SCN8A: variants seen among roughly 807,000 people sequenced by gnomAD.
The protein encoded by SCN8A is sodium channel protein type 8 subunit alpha.
Under a neutral mutation model 184.1 loss-of-function variants are expected in SCN8A, and 30 were observed. That is an observed-to-expected ratio of 0.16 (90% CI 0.12 to 0.22). The LOEUF is 0.22. SCN8A is among the 10% of genes least tolerant of loss of function. The pLI is 1.00. For missense variants in SCN8A, 1,057 were observed against 2,498.9 expected (o/e 0.42, Z 12.30); for synonymous variants, 852 against 907.0 (o/e 0.94, Z 1.09).
chr12:51,627,347 C>T (rs1328504883), intron 1 of SCN8A, among the ~76,000 whole-genome samples: 1 of 152,138 alleles, frequency 6.6e-6, no homozygotes, highest in African/African-American at 2.4e-5. Flanking sequence ...GTTATAAGGC[C>T]TTAACCATAA....
At chr12:51,594,871 G>A (rs1939310963) in intron 1 of SCN8A, among the ~76,000 whole-genome samples, 1 of 151,838 alleles carries the variant, frequency 6.6e-6, no homozygotes, top group South Asian at 2.1e-4. Context: ...AGCCCTTTAA[G>A]CTCTTAATTT....
chr12:51,738,315 C>T (rs1942360830), intron 12 of SCN8A, among the ~76,000 whole-genome samples: 1 of 152,198 alleles, frequency 6.6e-6, no homozygotes, highest in African/African-American at 2.4e-5. Context: ...GTTGAATAGT[C>T]CCAGGTCATC....
intron 14 of SCN8A, among the ~76,000 whole-genome samples, chr12:51,752,502 C>T (rs1942611491): frequency 6.6e-6 from 1 of 152,122 alleles, no homozygotes. Context: ...ATATCATTTT[C>T]ATTTCTCATT....
intron 3 of SCN8A, 22 bp downstream of exon 3, chr12:51,684,314 G>T: frequency 9.0e-7 from 1 of 1,110,236 alleles, no homozygotes. Flanking sequence ...GGCAAATGTG[G>T]AGTGAGTGCG....
chr12:51,655,310 C>T (rs189682293), intron 1 of SCN8A, among the ~76,000 whole-genome samples: 66 of 152,088 alleles, frequency 4.3e-4, no homozygotes, highest in African/African-American at 1.4e-3. Context: ...TCTTTCATGC[C>T]GTATCCCTTA....
At chr12:51,766,073 C>T in intron 16 of SCN8A, 46 bp downstream of exon 16, 1 of 1,488,080 alleles carries the variant, frequency 6.7e-7, no homozygotes, top group Non-Finnish European at 9.4e-7. Context: ...CCTGAATATT[C>T]TACCCCTGGC....
At chr12:51,677,307 C>G (rs559807950) in intron 2 of SCN8A, among the ~76,000 whole-genome samples, 1 of 152,000 alleles carries the variant, frequency 6.6e-6, no homozygotes, top group South Asian at 2.1e-4. Context: ...AGGCTGATCT[C>G]GAACTCCTGG....
intron 11 of SCN8A, among the ~76,000 whole-genome samples, chr12:51,709,705 G>T (rs528658594): frequency 6.6e-6 from 1 of 152,136 alleles, no homozygotes; most frequent in South Asian, 2.1e-4. Context: ...GTGGAAATAA[G>T]CATGTTTATA....
chr12:51,597,133 A>T (rs537235214), intron 1 of SCN8A, among the ~76,000 whole-genome samples: 3 of 152,322 alleles, frequency 2.0e-5, no homozygotes, highest in East Asian at 3.9e-4. Context: ...AATAAAAGCC[A>T]GAAGCCTGAG....
In SCN8A at chr12:51,807,287, A is replaced by C; in HGVS notation, c.5801A>C (p.Lys1934Thr). 1 of 1,614,000 alleles carries C rather than the reference A, an allele frequency of 6.2e-7. No individual in the cohort carries two copies. Among genetic ancestry groups the C allele is most frequent in the Non-Finnish European group, 8.5e-7 (1 of 1,179,884 alleles). Reference protein sequence around the residue: ...KLENGGTHREKKESTPSTASL... With the variant: ...KLENGGTHRETKESTPSTASL... ...GAGAATGGAGGCACACACCGGGAGAAAAAAGAGAGCACCCCATCTACAGCC... is the reference window on the plus strand; with the variant it reads ...GAGAATGGAGGCACACACCGGGAGACAAAAGAGAGCACCCCATCTACAGCC... Residue 1934 changes from lysine (K) to threonine (T), a missense_variant, in exon 27 of 27, where the codon AAA becomes ACA. Around this residue, in one of 19 missense-constraint regions of SCN8A, gnomAD observed 95 missense variants for 140.2 expected, o/e 0.68. Coordinates refer to ENST00000627620, the MANE Select transcript of SCN8A (RefSeq NM_001330260.2). This position sits in a 1 kb window ranked among gnomAD's most constrained non-coding sequence, Gnocchi z 4.5.
At chr12:51,768,807 T>C in intron 16 of SCN8A, 58 bp from the exon 17 acceptor site, 2 of 1,434,830 alleles carry the variant, frequency 1.4e-6, no homozygotes, top group Non-Finnish European at 1.9e-6. Context: ...TTTGCAACCC[T>C]GAGTTCGATG....
chr12:51,769,149 T>C lies in SCN8A; in HGVS notation c.3186T>C (p.Asn1062=). ...DIHRNGDFQK[N]GNGTTSGIGS... ...ACCGGAATGGTGACTTCCAGAAGAA[T>C]GGCAATGGCACAACCAGCGGCATTG... The change falls in exon 17 of 27, where the codon AAT becomes AAC. Residue 1062 remains asparagine (N), a synonymous_variant. Coordinates refer to ENST00000627620, the MANE Select transcript of SCN8A (RefSeq NM_001330260.2). The C allele has an allele frequency of 6.2e-7, 1 of 1,613,478 alleles. No individual in the cohort carries two copies. The highest frequency in any genetic ancestry group is 2.2e-5 in the East Asian group (1 of 44,862).
chr12:51,776,373 G>A (rs1937693505), intron 20 of SCN8A, among the ~76,000 whole-genome samples: 1 of 152,190 alleles, frequency 6.6e-6, no homozygotes, highest in Non-Finnish European at 1.5e-5. Flanking sequence ...AGCTCCTCTA[G>A]CTTTTGGGGG....
chr12:51,632,917 T>C (rs541724514), intron 1 of SCN8A, among the ~76,000 whole-genome samples: 18 of 151,620 alleles, frequency 1.2e-4, no homozygotes, highest in African/African-American at 4.4e-4. Context: ...TACAGCCCCC[T>C]TCCCACCCCT....
At position 51,744,751 on chromosome 12, in the gene SCN8A, C is replaced by T. The variant is rs116211684; in HGVS notation, c.1999-1152C>T. On this transcript the variant is annotated intron_variant, in intron 12 of 26. Coordinates refer to ENST00000627620, the MANE Select transcript of SCN8A (RefSeq NM_001330260.2). The stretch of plus-strand genomic sequence containing the variant: ...AATGAAACACTTTGATAAGATAAAT[C>T]GTAATCTGCTAGGAACTTTCTTCTG... Among the ~76,000 whole-genome samples the T allele has an allele frequency of 8.2e-3, 1,242 of 151,858 alleles. 8 individuals carry two copies. Among genetic ancestry groups the T allele is most frequent in the African/African-American group, 0.028 (1,147 of 41,408 alleles).
chr12:51,811,605 T>G lies in SCN8A; in HGVS notation c.*4176T>G, dbSNP rs1346390520. 6.5e-6 allele frequency: 1 copy of G among 152,860 alleles called. No homozygotes were observed. Among genetic ancestry groups the G allele is most frequent in the African/African-American group, 2.4e-5 (1 of 41,454 alleles). The allele number at this position is 152,860 out of a possible 1,614,324, so 9.5% of individuals were successfully genotyped here. On this transcript the variant is annotated 3_prime_UTR_variant, in exon 27 of 27. Transcript: ENST00000627620. ...AGACGAGGGCTGGTCTCCTTCACAT[T>G]TGTGTGGGGGTGGGGGCACGCTTCC...
intron 1 of SCN8A, among the ~76,000 whole-genome samples, chr12:51,606,525 G>T (rs1024217415): frequency 6.6e-6 from 1 of 152,148 alleles, no homozygotes; most frequent in East Asian, 1.9e-4. Flanking sequence ...GTAGTATGAT[G>T]CCTCCAGATT....
intron 1 of SCN8A, among the ~76,000 whole-genome samples, chr12:51,630,392 A>G (rs1403610105): frequency 1.3e-5 from 2 of 152,068 alleles, no homozygotes; most frequent in Non-Finnish European, 2.9e-5. Flanking sequence ...GGCGTATTTT[A>G]CTTAGCATAA....
In SCN8A at chr12:51,810,206, G is replaced by A; in HGVS notation, c.*2777G>A. 2 of 248,136 alleles carry A rather than the reference G, an allele frequency of 8.1e-6. No homozygotes were observed. The highest frequency in any genetic ancestry group is 3.6e-5 in the South Asian group (1 of 27,844). 15.4% of individuals were successfully genotyped at this position (248,136 alleles called of 1,614,324 possible). A position where few individuals can be genotyped will look rare whatever the true frequency, so the allele number is the denominator to read the frequency against. On this transcript the variant is annotated 3_prime_UTR_variant, in exon 27 of 27. Transcript: ENST00000627620. ...CTTGGTATCTGGCACCCATCAGCCA[G>A]CCTCATAGGAAAGAAGCCACCTCCG...
Sources: allele counts gnomAD v4.1 joint callset (sites outside exome capture counted in the v4.1 genomes callset), GRCh38; gene constraint gnomAD v4.1.1; regional missense constraint gnomAD v4.1.1; non-coding constraint Gnocchi (gnomAD v3.1); transcripts MANE v1.5; gene names NCBI Gene and HGNC (gene_info 2026-07-23, HGNC 2026-07-21).